GGACT: variants seen among roughly 807,000 people sequenced by gnomAD.
GGACT encodes the protein gamma-glutamylamine cyclotransferase.
For synonymous variants in GGACT, 118 were observed against 115.3 expected (o/e 1.02, Z -0.15); for missense variants, 241 against 233.2 (o/e 1.03, Z -0.22).
chr13:100,587,803 G>A (rs1372509366), intron 1 of GGACT, among the ~76,000 whole-genome samples: 6 of 152,348 alleles, frequency 3.9e-5, no homozygotes, highest in Non-Finnish European at 7.3e-5. Flanking sequence ...CAAGGCGGGC[G>A]GATCACGGGG....
intron 2 of GGACT, among the ~76,000 whole-genome samples, chr13:100,556,596 T>C (rs1356907272): frequency 6.6e-6 from 1 of 152,158 alleles, no homozygotes; most frequent in Admixed American, 6.5e-5. Flanking sequence ...CCAGGGGTTT[T>C]TTTTTTGTAG....
At chr13:100,558,851 G>A (rs1322538100) in intron 2 of GGACT, among the ~76,000 whole-genome samples, 1 of 152,176 alleles carries the variant, frequency 6.6e-6, no homozygotes, top group African/African-American at 2.4e-5. Context: ...GGGATGGAGA[G>A]AGGTTGGTCA....
Position 100,555,987 on chromosome 13 carries a change from T to C in GGACT, c.-10-23386A>G, listed in dbSNP as rs954967866. ...TGGAAATCAAAGAGGACATCCTCGA[T>C]CTACTAAAAAGGTTAAGTCTCTGAA... On this transcript the variant is annotated intron_variant, in intron 2 of 2. Transcript: ENST00000683975. Among the ~76,000 whole-genome samples, 3 of 152,200 alleles carry C rather than the reference T, an allele frequency of 2.0e-5. No individual in the cohort carries two copies. In the East Asian group the frequency reaches 5.8e-4, roughly 29 times the overall value.
At position 100,530,301 on chromosome 13, in the gene GGACT, C is replaced by G. The variant is rs879834293; in HGVS notation, c.*1829G>C. The G allele has an allele frequency of 1.8e-5, 14 of 760,534 alleles. No homozygotes were observed. Among genetic ancestry groups the G allele is most frequent in the South Asian group, 3.0e-5 (2 of 67,452 alleles). 47.1% of individuals were successfully genotyped at this position (760,534 alleles called of 1,614,324 possible). On this transcript the variant is annotated 3_prime_UTR_variant, in exon 3 of 3. Transcript: ENST00000683975. The stretch of plus-strand genomic sequence containing the variant: ...TACGTCGTCATTTATTCCACAGAGT[C>G]AAGACCAATATTCTGCCAAAAAATC...
At chr13:100,561,984 T>C (rs905963515) in intron 2 of GGACT, among the ~76,000 whole-genome samples, 2 of 152,226 alleles carry the variant, frequency 1.3e-5, no homozygotes, top group Non-Finnish European at 2.9e-5. Flanking sequence ...CGGCAGAGTC[T>C]GCATGCCCCG....
intron 2 of GGACT, among the ~76,000 whole-genome samples, chr13:100,544,325 C>T (rs1297181543): frequency 6.6e-6 from 1 of 152,242 alleles, no homozygotes; most frequent in Non-Finnish European, 1.5e-5. Flanking sequence ...GCGAGGCGGG[C>T]CCTAAGGTCA....
At chr13:100,557,938 C>T (rs949014981) in intron 2 of GGACT, among the ~76,000 whole-genome samples, 1 of 152,100 alleles carries the variant, frequency 6.6e-6, no homozygotes, top group Non-Finnish European at 1.5e-5. Context: ...AATCCCAGCA[C>T]TTTGGGAGGC....
intron 2 of GGACT, among the ~76,000 whole-genome samples, chr13:100,571,829 T>C (rs1480599283): frequency 6.6e-6 from 1 of 152,204 alleles, no homozygotes; most frequent in African/African-American, 2.4e-5. Context: ...TCAATAATTC[T>C]TACTCCCTCT....
chr13:100,554,253 G>A (rs1490913314), intron 2 of GGACT, among the ~76,000 whole-genome samples: 2 of 152,120 alleles, frequency 1.3e-5, no homozygotes, highest in African/African-American at 4.8e-5. Context: ...TTTCTCAGGG[G>A]TTCAGAAAGT....
intron 2 of GGACT, among the ~76,000 whole-genome samples, chr13:100,565,022 G>A (rs1000844054): frequency 5.3e-5 from 8 of 152,242 alleles, no homozygotes; most frequent in African/African-American, 1.9e-4. Context: ...GGAAAAGCCT[G>A]TTGTGATACA....
intron 2 of GGACT, among the ~76,000 whole-genome samples, chr13:100,582,871 T>C (rs1875459267): frequency 6.6e-6 from 1 of 152,196 alleles, no homozygotes; most frequent in African/African-American, 2.4e-5. Context: ...TCCCACATAA[T>C]AGAAATTCCA....
At chr13:100,565,882 C>T (rs190400140) in intron 2 of GGACT, among the ~76,000 whole-genome samples, 247 of 152,312 alleles carry the variant, frequency 1.6e-3, no homozygotes, top group Non-Finnish European at 2.6e-3. Flanking sequence ...AGCCAACAAA[C>T]ACAATCCAGA....
rs1011391397 is a variant in GGACT, at chr13:100,534,032, T to C, written c.-10-1431A>G. ...CCAGAAATGGCCCCGGACACCACACTTGCCACCAATCATGTGGACAAGTGG... is the reference window on the plus strand; with the variant it reads ...CCAGAAATGGCCCCGGACACCACACCTGCCACCAATCATGTGGACAAGTGG... On this transcript the variant is annotated intron_variant, in intron 2 of 2. Transcript: ENST00000683975. The surrounding 1 kb of genome is among the most constrained non-coding windows in gnomAD (Gnocchi z 4.9). Among the ~76,000 whole-genome samples the C allele has an allele frequency of 2.0e-4, 31 of 152,170 alleles. No individual in the cohort carries two copies. Among genetic ancestry groups the C allele is most frequent in the Non-Finnish European group, 2.6e-4 (18 of 68,022 alleles).
At chr13:100,572,124 T>C (rs1356900454) in intron 2 of GGACT, among the ~76,000 whole-genome samples, 1 of 152,204 alleles carries the variant, frequency 6.6e-6, no homozygotes, top group African/African-American at 2.4e-5. Context: ...CAGCCAAGGG[T>C]TGGACGCAAC....
intron 2 of GGACT, among the ~76,000 whole-genome samples, chr13:100,551,206 T>C (rs991028361): frequency 4.0e-5 from 6 of 151,200 alleles, no homozygotes; most frequent in African/African-American, 7.3e-5. Flanking sequence ...ATGGCATGAA[T>C]CCGGGAGGTG....
rs149184867 is a variant in GGACT, at chr13:100,560,827, C to T, written c.-11+22998G>A. Among the ~76,000 whole-genome samples, 32 of 152,308 alleles carry T rather than the reference C, an allele frequency of 2.1e-4. No homozygotes were observed. The East Asian group carries it at 5.0e-3, about 24-fold the overall frequency. On this transcript the variant is annotated intron_variant, in intron 2 of 2. Coordinates refer to ENST00000683975, the MANE Select transcript of GGACT (RefSeq NM_001195087.2). Reference sequence around the variant, plus strand: ...TAGGACATGGTGTCCTAAAGTACAACGGAGTGATTTTCTAAAGAACCAGGA... The same window carrying T: ...TAGGACATGGTGTCCTAAAGTACAATGGAGTGATTTTCTAAAGAACCAGGA...
At chr13:100,576,924 A>T (rs1005360040) in intron 2 of GGACT, among the ~76,000 whole-genome samples, 3 of 152,236 alleles carry the variant, frequency 2.0e-5, no homozygotes, top group Non-Finnish European at 4.4e-5. Flanking sequence ...TAAACTTAAT[A>T]ATAATGAATG....
chr13:100,553,356 G>A (rs948736636), intron 2 of GGACT, among the ~76,000 whole-genome samples: 3 of 152,144 alleles, frequency 2.0e-5, no homozygotes, highest in Non-Finnish European at 4.4e-5. Context: ...TCAGCACCAG[G>A]TGTCATATCC....
At chr13:100,567,086 G>A (rs1647161355) in intron 2 of GGACT, among the ~76,000 whole-genome samples, 1 of 152,208 alleles carries the variant, frequency 6.6e-6, no homozygotes, top group South Asian at 2.1e-4. Context: ...ATGATGCTAT[G>A]TTCTTCTCAC....
Sources: allele counts gnomAD v4.1 joint callset (sites outside exome capture counted in the v4.1 genomes callset), GRCh38; gene constraint gnomAD v4.1.1; non-coding constraint Gnocchi (gnomAD v3.1); transcripts MANE v1.5; gene names NCBI Gene and HGNC (gene_info 2026-07-23, HGNC 2026-07-21).